Variants in MICU1 observed in about 807,000 individuals in gnomAD.
The protein encoded by MICU1 is calcium uptake protein 1, mitochondrial.
In MICU1, 45 loss-of-function variants were observed where a neutral mutation model predicts 56.8. That is an observed-to-expected ratio of 0.79 (90% confidence interval 0.62 to 1.02). The LOEUF (loss-of-function observed/expected upper bound fraction) is 1.02, where lower values mean the gene tolerates loss of function less well. MICU1 is among the 50% of genes least tolerant of loss of function. The pLI is 0.00. For synonymous variants in MICU1, 186 were observed against 195.1 expected, an observed-to-expected ratio of 0.95 and a Z score of 0.39; for missense variants, 504 against 587.1, an observed-to-expected ratio of 0.86 and a Z score of 1.46.
At position 72,423,538 on chromosome 10, in the gene MICU1, T is replaced by C. The variant is rs190860037; in HGVS notation, c.934-167A>G. 4.6e-5 allele frequency among the ~76,000 whole-genome samples: 7 copies of C among 152,290 alleles called. No homozygotes were observed. The East Asian group carries it at 7.7e-4, about 17-fold the overall frequency. ...TGCAAAAACTAAGAAACAGAAGATA[T>C]AGGTTCTTATCCCAGATCTGCCACT... On this transcript the variant is annotated intron_variant, in intron 8 of 11. Transcript: ENST00000361114.
At chr10:72,477,371 A>T in intron 6 of MICU1, 115 bp from the exon 7 acceptor site, 1 of 1,160,768 alleles carries the variant, frequency 8.6e-7, no homozygotes, top group Non-Finnish European at 1.2e-6. Context: ...CATAAAAGTG[A>T]CTGAGTCAAA....
intron 10 of MICU1, among the ~76,000 whole-genome samples, chr10:72,391,575 T>C (rs968323481): frequency 1.3e-5 from 2 of 152,236 alleles, no homozygotes; most frequent in Admixed American, 1.3e-4. Context: ...ATAGGTATTA[T>C]ATGTAATCTT....
chr10:72,577,919 A>C (rs1840791920), intron 1 of MICU1, among the ~76,000 whole-genome samples: 1 of 152,196 alleles, frequency 6.6e-6, no homozygotes, highest in African/African-American at 2.4e-5. Flanking sequence ...AACATTGCTG[A>C]AATGACCATA....
chr10:72,444,068 TG>T (rs1302469958), intron 8 of MICU1, among the ~76,000 whole-genome samples: 1 of 152,084 alleles, frequency 6.6e-6, no homozygotes, highest in Non-Finnish European at 1.5e-5. Flanking sequence ...TCATGTCCTT[TG>T]TAGGGACATG....
intron 10 of MICU1, among the ~76,000 whole-genome samples, chr10:72,405,249 C>T (rs567395644): frequency 9.2e-5 from 14 of 151,752 alleles, no homozygotes; most frequent in Admixed American, 2.6e-4. Context: ...GACAGAGTTT[C>T]GCTCTTGTCG....
intron 11 of MICU1, among the ~76,000 whole-genome samples, chr10:72,370,216 G>A (rs951188815): frequency 6.6e-6 from 1 of 152,014 alleles, no homozygotes; most frequent in African/African-American, 2.4e-5. Context: ...AAGCCACACA[G>A]AACAGTAACC....
intron 4 of MICU1, among the ~76,000 whole-genome samples, chr10:72,549,699 G>A (rs1211939406): frequency 1.3e-5 from 2 of 152,078 alleles, no homozygotes; most frequent in African/African-American, 4.8e-5. Flanking sequence ...GGGAGGCTGA[G>A]GCAGGTGGAT....
Position 72,551,286 on chromosome 10 carries a change from C to CG in MICU1, c.385dup (p.Arg129ProfsTer11), listed in dbSNP as rs1840028596. 2 of 1,613,234 alleles carry CG rather than the reference C, an allele frequency of 1.2e-6. No individual in the cohort carries two copies. The highest frequency in any genetic ancestry group is 1.7e-6 in the Non-Finnish European group (2 of 1,179,612). On this transcript the variant is annotated frameshift_variant, in exon 4 of 12. Transcript: ENST00000361114. LOFTEE classifies it high-confidence loss of function. ...GATGACTTTCAAGGTGGCAAAATAT[C>CG]GGAAGATTTTGTCTGGCGTGGAGTA...
At position 72,600,049 on chromosome 10, in the gene MICU1, T is replaced by C. The variant is rs573540789; in HGVS notation, c.-2+25961A>G. Among the ~76,000 whole-genome samples, 11 of 152,198 alleles carry C rather than the reference T, an allele frequency of 7.2e-5. 1 individual carries two copies. The South Asian group carries it at 2.3e-3, about 32-fold the overall frequency. ...GCTCACGCCTGTAATCCCACCACTTTGGGAGGCTGAGGCCGGTGGATCACC... is the reference window on the plus strand; with the variant it reads ...GCTCACGCCTGTAATCCCACCACTTCGGGAGGCTGAGGCCGGTGGATCACC... On this transcript the variant is annotated intron_variant, in intron 1 of 11. Coordinates refer to ENST00000361114, the MANE Select transcript of MICU1 (RefSeq NM_001195518.2).
chr10:72,502,604 T>C (rs1867116319), intron 6 of MICU1, among the ~76,000 whole-genome samples: 1 of 152,186 alleles, frequency 6.6e-6, no homozygotes, highest in South Asian at 2.1e-4. Context: ...TAATGTACTT[T>C]CCCTATTCCC....
At chr10:72,503,864 AG>A (rs1867156388) in intron 6 of MICU1, among the ~76,000 whole-genome samples, 1 of 101,832 alleles carries the variant, frequency 9.8e-6, no homozygotes, top group South Asian at 2.9e-4. Flanking sequence ...CATTTACAAT[AG>A]ACACACACAC....
chr10:72,373,656 A>G (rs576716293), intron 11 of MICU1, among the ~76,000 whole-genome samples: 1 of 152,202 alleles, frequency 6.6e-6, no homozygotes, highest in Admixed American at 6.5e-5. Flanking sequence ...ATCAAACATC[A>G]TTTTCCAGGA....
chr10:72,585,211 C>T (rs1330669303), intron 1 of MICU1, among the ~76,000 whole-genome samples: 5 of 151,794 alleles, frequency 3.3e-5, no homozygotes, highest in Non-Finnish European at 5.9e-5. Flanking sequence ...CTCAGCCTCC[C>T]GAGCAGCTGG....
chr10:72,416,701 T>A (rs1863994068), intron 9 of MICU1, among the ~76,000 whole-genome samples: 1 of 152,142 alleles, frequency 6.6e-6, no homozygotes. Flanking sequence ...CTTCTGCTTG[T>A]CAAAATCCTA....
intron 11 of MICU1, among the ~76,000 whole-genome samples, chr10:72,371,899 T>C (rs1435000799): frequency 6.6e-6 from 1 of 150,864 alleles, no homozygotes; most frequent in Non-Finnish European, 1.5e-5. Context: ...CTACAAAAAG[T>C]TAAAAAATAA....
intron 10 of MICU1, among the ~76,000 whole-genome samples, chr10:72,398,510 T>A (rs1439691731): frequency 6.6e-6 from 1 of 151,902 alleles, no homozygotes; most frequent in Non-Finnish European, 1.5e-5. Flanking sequence ...AGGAGCCGGT[T>A]TTTTGAAAAG....
At chr10:72,600,984 G>T (rs937611416) in intron 1 of MICU1, among the ~76,000 whole-genome samples, 1 of 152,168 alleles carries the variant, frequency 6.6e-6, no homozygotes, top group Admixed American at 6.6e-5. Context: ...ATTACCAAAA[G>T]TCAGGATGGT....
At chr10:72,515,714 A>G (rs1389697241) in intron 5 of MICU1, among the ~76,000 whole-genome samples, 2 of 152,226 alleles carry the variant, frequency 1.3e-5, no homozygotes, top group Admixed American at 6.5e-5. Flanking sequence ...TATGTCATCT[A>G]GAGTCCAACA....
rs1435359844 is a variant in MICU1 at position 72,521,938 on chromosome 10, AAG to A, written c.537+11806_537+11807del. Among the ~76,000 whole-genome samples the A allele has an allele frequency of 2.0e-5, 3 of 152,066 alleles. No homozygotes were observed. In the East Asian group the frequency reaches 5.8e-4, roughly 29 times the overall value. The stretch of plus-strand genomic sequence containing the variant: ...ATCATTTTGAAATGTGCATCACTTC[AAG>A]AGTGTAATGTTCTTTATAATTTTTA... On this transcript the variant is annotated intron_variant, in intron 5 of 11. Transcript: ENST00000361114.
Sources: allele counts gnomAD v4.1 joint callset (sites outside exome capture counted in the v4.1 genomes callset), GRCh38; gene constraint gnomAD v4.1.1; transcripts MANE v1.5; gene names NCBI Gene and HGNC (gene_info 2026-07-23, HGNC 2026-07-21).